GALT: variants seen among roughly 807,000 people sequenced by gnomAD.
GALT encodes the protein galactose-1-phosphate uridylyltransferase, also known as UDP-glucose--hexose-1-phosphate uridylyltransferase.
In GALT, 42 loss-of-function variants were observed where a neutral mutation model predicts 55.4. The ratio of observed to expected loss-of-function variants is 0.76; its 90% CI spans 0.59 to 0.98. The LOEUF (loss-of-function observed/expected upper bound fraction) is 0.98, where lower values mean the gene tolerates loss of function less well. GALT is among the 50% of genes least tolerant of loss of function. GALT has a pLI of 0.00. For missense variants in GALT, 407 were observed against 495.7 expected, an observed-to-expected ratio of 0.82 and a Z score of 1.70; for synonymous variants, 154 against 181.5, an observed-to-expected ratio of 0.85 and a Z score of 1.22.
In GALT at chr9:34,650,530, G is replaced by T; in HGVS notation, c.*81G>T. The T allele has an allele frequency of 7.5e-7, 1 of 1,338,934 alleles. No homozygotes were observed. The highest frequency in any genetic ancestry group is 1.1e-6 in the Non-Finnish European group (1 of 935,440). 82.9% of individuals were successfully genotyped at this position (1,338,934 alleles called of 1,614,324 possible). On this transcript the variant is annotated 3_prime_UTR_variant, in exon 11 of 11. Coordinates refer to ENST00000378842, the MANE Select transcript of GALT (RefSeq NM_000155.4). ...TAAGCAGAAAGGGCCTTGAATCCTG[G>T]CCTGGAATTTGGGCAGATATAGCAT...
chr9:34,647,353 C>G lies in GALT; in HGVS notation c.252+95C>G, dbSNP rs140206894. The G allele has an allele frequency of 1.3e-6, 2 of 1,590,786 alleles. No individual in the cohort carries two copies. The highest frequency in any genetic ancestry group is 1.7e-6 in the Non-Finnish European group (2 of 1,159,844). ...ACCCACAGGGATAGTGAACCTCCTT[C>G]TGGGTCATATCCCACCAAGCTTTTT... On this transcript the variant is annotated intron_variant, in intron 2 of 10. Transcript: ENST00000378842. This position sits in a 1 kb window ranked among gnomAD's most constrained non-coding sequence, Gnocchi z 5.6.
Position 34,649,629 on chromosome 9 carries a change from C to T in GALT, c.1059+65C>T. The T allele has an allele frequency of 1.9e-6, 3 of 1,562,056 alleles. No homozygotes were observed. The Admixed American group carries it at 5.0e-5, about 26-fold the overall frequency. ...ATGCAGTATGTGCAGGCACCTGATA[C>T]TTCTGTTGCCCTTGTGCTCCAGTCA... On this transcript the variant is annotated intron_variant, in intron 10 of 10. Coordinates refer to ENST00000378842, the MANE Select transcript of GALT (RefSeq NM_000155.4).
intron 1 of GALT, 99 bp downstream of exon 1, chr9:34,646,885 G>C: frequency 6.2e-7 from 1 of 1,607,308 alleles, no homozygotes. Context: ...CGCTCATCCC[G>C]AGCCAGACCG....
At chr9:34,650,157 C>T (rs1033018639) in intron 10 of GALT, 1 of 576,268 alleles carries the variant, frequency 1.7e-6, no homozygotes, top group African/African-American at 1.9e-5. Flanking sequence ...GTGGCATATA[C>T]TTGTGGTCCC....
At position 34,647,863 on chromosome 9, in the gene GALT, G is replaced by GT. The variant is rs397515628; in HGVS notation, c.410dup (p.Thr138AsnfsTer9). On this transcript the variant is annotated frameshift_variant, in exon 5 of 11. Transcript: ENST00000378842. LOFTEE classifies it high-confidence loss of function. The surrounding 1 kb of genome is among the most constrained non-coding windows in gnomAD (Gnocchi z 5.6). ...CATGTGCTTCCACCCCTGGTCGGATGTAACGCTGCCACTCATGTCGGTCCC... is the reference window on the plus strand; with the variant it reads ...CATGTGCTTCCACCCCTGGTCGGATGTTAACGCTGCCACTCATGTCGGTCCC... 6.2e-7 allele frequency: 1 copy of GT among 1,614,234 alleles called. No homozygotes were observed. The highest frequency in any genetic ancestry group is 8.5e-7 in the Non-Finnish European group (1 of 1,180,048).
At position 34,647,407 on chromosome 9, in the gene GALT, C is replaced by G; in HGVS notation, c.253-85C>G. 6.4e-7 allele frequency: 1 copy of G among 1,574,038 alleles called. No individual in the cohort carries two copies. Among genetic ancestry groups the G allele is most frequent in the Non-Finnish European group, 8.7e-7 (1 of 1,143,672 alleles). ...CCCCTAGGGTGGGCCTTCCCTACTCCCTTGTAGCCTGTCCAGTCTTTGAAG... is the reference window on the plus strand; with the variant it reads ...CCCCTAGGGTGGGCCTTCCCTACTCGCTTGTAGCCTGTCCAGTCTTTGAAG... On this transcript the variant is annotated intron_variant, in intron 2 of 10. Coordinates refer to ENST00000378842, the MANE Select transcript of GALT (RefSeq NM_000155.4). The surrounding 1 kb of genome is among the most constrained non-coding windows in gnomAD (Gnocchi z 5.6).
Position 34,650,386 on chromosome 9 carries a change from G to A in GALT, c.1077G>A (p.Arg359=), listed in dbSNP as rs148967210. 29 of 1,613,858 alleles carry A rather than the reference G, an allele frequency of 1.8e-5. No individual in the cohort carries two copies. The highest frequency in any genetic ancestry group is 2.5e-5 in the Non-Finnish European group (29 of 1,180,012). ...TTTTCCAGGCTGCAGAGAGACTAAG[G>A]GCACTTCCTGAGGTTCATTACCACC... is the stretch of plus-strand genomic sequence containing the variant. ...LTPEQAAERL[R]ALPEVHYHLG... is the part of the protein sequence containing the mutation. The change falls in exon 11 of 11, where the codon AGG becomes AGA. Residue 359 remains arginine (R), a synonymous_variant. Coordinates refer to ENST00000378842, the MANE Select transcript of GALT (RefSeq NM_000155.4).
chr9:34,649,226 GT>G (rs1383952439), intron 9 of GALT, 145 bp downstream of exon 9: 1 of 1,183,402 alleles, frequency 8.5e-7, no homozygotes, highest in Admixed American at 1.7e-5. Flanking sequence ...GGGACTGAGG[GT>G]GGAGCAGCAA....
In GALT at chr9:34,647,949, C is replaced by T. The variant is rs111033707; in HGVS notation, c.495C>T (p.Tyr165=). 1 of 1,614,198 alleles carries T rather than the reference C, an allele frequency of 6.2e-7. No homozygotes were observed. The highest frequency in any genetic ancestry group is 8.5e-7 in the Non-Finnish European group (1 of 1,180,046). Residue 165 remains tyrosine, a synonymous_variant, in exon 5 of 11, where the codon TAC becomes TAT. Transcript: ENST00000378842. This position sits in a 1 kb window ranked among gnomAD's most constrained non-coding sequence, Gnocchi z 5.6. ...ASVTEELGAQ[Y]PWVQIFENKG... is the part of the protein sequence containing the mutation. ...TCACAGAGGAGCTGGGTGCCCAGTACCCTTGGGTGCAGGTTTGTGAGGTCG... is the reference window on the plus strand; with the variant it reads ...TCACAGAGGAGCTGGGTGCCCAGTATCCTTGGGTGCAGGTTTGTGAGGTCG...
intron 1 of GALT, 149 bp from the exon 2 acceptor site, chr9:34,646,940 G>T: frequency 6.2e-7 from 1 of 1,605,516 alleles, no homozygotes; most frequent in Non-Finnish European, 8.5e-7. Context: ...CAGGCCAATT[G>T]GCGCTGGGAA....
Position 34,648,472 on chromosome 9 carries a change from G to C in GALT, c.687+16G>C. 6.2e-7 allele frequency: 1 copy of C among 1,614,154 alleles called. No homozygotes were observed. Among genetic ancestry groups the C allele is most frequent in the Non-Finnish European group, 8.5e-7 (1 of 1,180,028 alleles). ...ACTCAGGAAGGTGGGAGAGAGCCAA[G>C]CCCTGTGTCCCCAAGGAGTCCCTAA... is the stretch of plus-strand genomic sequence containing the variant. On this transcript the variant is annotated intron_variant, in intron 7 of 10. Transcript: ENST00000378842. This position sits in a 1 kb window ranked among gnomAD's most constrained non-coding sequence, Gnocchi z 4.9.
rs922533545 is a variant in GALT at position 34,647,415 on chromosome 9, C to A, written c.253-77C>A. The A allele has an allele frequency of 6.3e-7, 1 of 1,577,524 alleles. No homozygotes were observed. Among genetic ancestry groups the A allele is most frequent in the Non-Finnish European group, 8.7e-7 (1 of 1,146,866 alleles). On this transcript the variant is annotated intron_variant, in intron 2 of 10. Coordinates refer to ENST00000378842, the MANE Select transcript of GALT (RefSeq NM_000155.4). The surrounding 1 kb of genome is among the most constrained non-coding windows in gnomAD (Gnocchi z 5.6). Reference sequence around the variant, plus strand: ...GTGGGCCTTCCCTACTCCCTTGTAGCCTGTCCAGTCTTTGAAGCCCACCAG... The same window carrying A: ...GTGGGCCTTCCCTACTCCCTTGTAGACTGTCCAGTCTTTGAAGCCCACCAG...
rs182321535 is a variant in GALT, at chr9:34,648,636, G to A, written c.688-126G>A. ...GTGACTTAGACTCGGGTGGTTAGTG[G>A]TAGAGGTGGTGAGAAGACATCAGAT... On this transcript the variant is annotated intron_variant, in intron 7 of 10. Transcript: ENST00000378842. The surrounding 1 kb of genome is among the most constrained non-coding windows in gnomAD (Gnocchi z 4.9). 4 of 1,491,970 alleles carry A rather than the reference G, an allele frequency of 2.7e-6. No individual in the cohort carries two copies. In the Admixed American group the frequency reaches 5.0e-5, roughly 19 times the overall value. The allele number at this position is 1,491,970 out of a possible 1,614,324, so 92.4% of individuals were successfully genotyped here.
chr9:34,648,076 G>T lies in GALT; in HGVS notation c.508-39G>T. 6.2e-7 allele frequency: 1 copy of T among 1,614,148 alleles called. No individual in the cohort carries two copies. Among genetic ancestry groups the T allele is most frequent in the Non-Finnish European group, 8.5e-7 (1 of 1,180,026 alleles). The stretch of plus-strand genomic sequence containing the variant: ...GTGGTCAGGAGGGAGTTGACTTGGT[G>T]TCTTTTGGCTAACAGAGCTCCGTAT... On this transcript the variant is annotated intron_variant, in intron 5 of 10. Transcript: ENST00000378842. This position sits in a 1 kb window ranked among gnomAD's most constrained non-coding sequence, Gnocchi z 4.9.
Position 34,650,792 on chromosome 9 carries a change from G to T in GALT, c.*343G>T. Reference sequence around the variant, plus strand: ...TCTTGGTGTAATGACAGCATTCCCAGTTTAGGAAACTGTTTTAAAATCTTG... The same window carrying T: ...TCTTGGTGTAATGACAGCATTCCCATTTTAGGAAACTGTTTTAAAATCTTG... On this transcript the variant is annotated 3_prime_UTR_variant, in exon 11 of 11. Transcript: ENST00000378842. 4.0e-6 allele frequency: 1 copy of T among 251,620 alleles called. No homozygotes were observed. Among genetic ancestry groups the T allele is most frequent in the Non-Finnish European group, 7.8e-6 (1 of 128,588 alleles). 15.6% of individuals were successfully genotyped at this position (251,620 alleles called of 1,614,324 possible).
chr9:34,649,855 G>C (rs532051468), intron 10 of GALT: 19 of 412,290 alleles, frequency 4.6e-5, no homozygotes, highest in South Asian at 4.3e-4. Flanking sequence ...TTCATCCCCT[G>C]GTGGCTTCAG....
Position 34,649,462 on chromosome 9 carries a change from C to T in GALT, c.957C>T (p.His319=), listed in dbSNP as rs111033792. The T allele has an allele frequency of 2.3e-5, 37 of 1,614,040 alleles. No individual in the cohort carries two copies. The highest frequency in any genetic ancestry group is 2.9e-5 in the Non-Finnish European group (34 of 1,180,036). Residue 319 remains histidine (H), a synonymous_variant, in exon 10 of 11, where the codon CAC becomes CAT. Transcript: ENST00000378842. ...AGANWNHWQL[H]AHYYPPLLRS... is the part of the protein sequence containing the mutation. ...CCAACTGGAACCATTGGCAGCTGCA[C>T]GCTCATTACTACCCTCCGCTCCTGC...
chr9:34,648,541 G>C lies in GALT; in HGVS notation c.687+85G>C. 1 of 1,602,692 alleles carries C rather than the reference G, an allele frequency of 6.2e-7. No homozygotes were observed. The highest frequency in any genetic ancestry group is 8.5e-7 in the Non-Finnish European group (1 of 1,170,700). Reference sequence around the variant, plus strand: ...GAGGTGTGTAAAGGAGAAAGCTAGAGGTGAACTAGTAGAGAGAGACTTGCT... The same window carrying C: ...GAGGTGTGTAAAGGAGAAAGCTAGACGTGAACTAGTAGAGAGAGACTTGCT... On this transcript the variant is annotated intron_variant, in intron 7 of 10. Coordinates refer to ENST00000378842, the MANE Select transcript of GALT (RefSeq NM_000155.4). The surrounding 1 kb of genome is among the most constrained non-coding windows in gnomAD (Gnocchi z 4.9).
In GALT at chr9:34,648,459, G is replaced by A. The variant is rs1821167595; in HGVS notation, c.687+3G>A. The A allele has an allele frequency of 6.2e-7, 1 of 1,614,036 alleles. No homozygotes were observed. Among genetic ancestry groups the A allele is most frequent in the Non-Finnish European group, 8.5e-7 (1 of 1,180,036 alleles). ...GCCGCCAGGAGCTACTCAGGAAGGT[G>A]GGAGAGAGCCAAGCCCTGTGTCCCC... On this transcript the variant is annotated splice_donor_region_variant and intron_variant, in intron 7 of 10. Transcript: ENST00000378842. The surrounding 1 kb of genome is among the most constrained non-coding windows in gnomAD (Gnocchi z 4.9).
Sources: gnomAD v4.1 joint callset for allele counts on GRCh38, gnomAD v4.1.1 for gene constraint, Gnocchi (gnomAD v3.1) non-coding constraint, MANE v1.5 for transcripts, NCBI Gene and HGNC (gene_info 2026-07-23, HGNC 2026-07-21) for gene names.